FAM185A: variants seen among roughly 807,000 people sequenced by gnomAD.
FAM185A encodes family with sequence similarity 185 member A.
FAM185A carries 21 observed loss-of-function variants against 45.7 expected under a neutral mutation model. The observed-to-expected ratio is 0.46, with a 90% CI of 0.33 to 0.66. The LOEUF (loss-of-function observed/expected upper bound fraction) is 0.66, where lower values mean the gene tolerates loss of function less well. Ranked by LOEUF, FAM185A falls within the 30% of genes least tolerant of loss-of-function variation. The pLI, the probability that FAM185A is intolerant of heterozygous loss-of-function variation, is 0.03. For synonymous variants in FAM185A, 117 were observed against 194.0 expected (o/e 0.60, Z 3.30); for missense variants, 305 against 485.4 (o/e 0.63, Z 3.49).
intron 5 of FAM185A, among the ~76,000 whole-genome samples, chr7:102,775,010 GTT>G (rs200919500): frequency 8.7e-5 from 7 of 80,008 alleles, no homozygotes; most frequent in South Asian, 3.9e-4. Context: ...TTTTGTTTTT[GTT>G]TTTTTTTTTT....
intron 6 of FAM185A, among the ~76,000 whole-genome samples, chr7:102,781,703 G>A (rs1246488446): frequency 6.6e-6 from 1 of 152,110 alleles, no homozygotes; most frequent in African/African-American, 2.4e-5. Flanking sequence ...CCACAAGATG[G>A]GGAAAAAAAC....
the FAM185A span, among the ~76,000 whole-genome samples, chr7:102,845,914 T>C: frequency 1.3e-5 from 2 of 152,238 alleles, no homozygotes; most frequent in Non-Finnish European, 2.9e-5. Flanking sequence ...ATCACAGCAT[T>C]ATGACTAAAA....
intron 4 of FAM185A, among the ~76,000 whole-genome samples, chr7:102,762,404 T>C (rs578195535): frequency 6.6e-6 from 1 of 152,378 alleles, no homozygotes; most frequent in Non-Finnish European, 1.5e-5. Flanking sequence ...AGGTATGTTT[T>C]CTGAAATATA....
intron 4 of FAM185A, among the ~76,000 whole-genome samples, chr7:102,766,792 T>C (rs1404214151): frequency 6.6e-6 from 1 of 151,920 alleles, no homozygotes; most frequent in Non-Finnish European, 1.5e-5. Context: ...TTGTTTTTTT[T>C]GTTTTGTTTT....
chr7:102,760,772 A>G (rs1230838603), intron 3 of FAM185A, among the ~76,000 whole-genome samples: 2 of 152,164 alleles, frequency 1.3e-5, no homozygotes, highest in Non-Finnish European at 2.9e-5. Flanking sequence ...AGCAGGAAAA[A>G]AAGTATTAAT....
chr7:102,836,716 T>TCA, the FAM185A span, among the ~76,000 whole-genome samples: 2 of 152,308 alleles, frequency 1.3e-5, no homozygotes, highest in South Asian at 4.1e-4. Context: ...CTGAGCTGAG[T>TCA]CACAGTGTAG....
At chr7:102,750,476 C>T (rs772651286) in intron 1 of FAM185A, among the ~76,000 whole-genome samples, 2 of 152,190 alleles carry the variant, frequency 1.3e-5, no homozygotes, top group Non-Finnish European at 2.9e-5. Flanking sequence ...CAGTTTGTTA[C>T]CTGCCTCAGC....
rs1173845197 is a variant in FAM185A at position 102,761,431 on chromosome 7, A to G, written c.793+20A>G. The G allele has an allele frequency of 2.7e-6, 4 of 1,484,964 alleles. No homozygotes were observed. Among genetic ancestry groups the G allele is most frequent in the Non-Finnish European group, 3.6e-6 (4 of 1,117,962 alleles). The allele number at this position is 1,484,964 out of a possible 1,614,324, so 92.0% of individuals were successfully genotyped here. A position where few individuals can be genotyped will look rare whatever the true frequency, so the allele number is the denominator to read the frequency against. On this transcript the variant is annotated intron_variant, in intron 4 of 7. Transcript: ENST00000413034. ...TTCATGGTAAGCTGACAAAGGCATA[A>G]TACATCTGAGACTTTCCACATAGCA...
rs570454122 is a variant in FAM185A at position 102,793,414 on chromosome 7, A to T, written c.1066+5945A>T. 4.9e-4 allele frequency among the ~76,000 whole-genome samples: 74 copies of T among 152,032 alleles called. 1 individual carries two copies. The highest frequency in any genetic ancestry group is 1.8e-3 in the African/African-American group (73 of 41,474). On this transcript the variant is annotated intron_variant, in intron 7 of 7. Transcript: ENST00000413034. Reference sequence around the variant, plus strand: ...TTTAGTAGAGACAGGGTTTCACCATATTGGCCAGGCTGGTCTCACCTCCTG... The same window carrying T: ...TTTAGTAGAGACAGGGTTTCACCATTTTGGCCAGGCTGGTCTCACCTCCTG...
At chr7:102,827,117 T>C in the FAM185A span, 5 of 454,500 alleles carry the variant, frequency 1.1e-5, no homozygotes, top group Non-Finnish European at 1.3e-5. Flanking sequence ...CATATTCTTC[T>C]GAGCCAGGCC....
chr7:102,754,718 T>C (rs1321068457), intron 2 of FAM185A, among the ~76,000 whole-genome samples: 1 of 152,246 alleles, frequency 6.6e-6, no homozygotes, highest in African/African-American at 2.4e-5. Flanking sequence ...TTTTCCACCT[T>C]TATTTATTGT....
chr7:102,810,409 T>A (rs1274903614), downstream of FAM185A, among the ~76,000 whole-genome samples: 2 of 152,028 alleles, frequency 1.3e-5, no homozygotes, highest in African/African-American at 4.8e-5. Context: ...AGTTTTGTAT[T>A]TTTACTAGAG....
chr7:102,814,467 A>AT, the FAM185A span: 1 of 152,240 alleles, frequency 6.6e-6, no homozygotes, highest in Admixed American at 6.5e-5. Context: ...AAGAAAAAAA[A>AT]CCAACAACAT....
chr7:102,805,563 C>T (rs1797062325), intron 7 of FAM185A, among the ~76,000 whole-genome samples: 1 of 151,936 alleles, frequency 6.6e-6, no homozygotes, highest in Admixed American at 6.6e-5. Flanking sequence ...GGATAAAAGA[C>T]TACAAATAGG....
chr7:102,801,973 G>A (rs1330518764), intron 7 of FAM185A, among the ~76,000 whole-genome samples: 1 of 151,052 alleles, frequency 6.6e-6, no homozygotes, highest in Non-Finnish European at 1.5e-5. Flanking sequence ...AAAAGACCTT[G>A]TCCAACAGGA....
chr7:102,816,933 T>C, the FAM185A span, among the ~76,000 whole-genome samples: 1 of 152,220 alleles, frequency 6.6e-6, no homozygotes, highest in East Asian at 1.9e-4. Context: ...GCAAAGGACA[T>C]GATTTCATTA....
At chr7:102,781,200 G>A (rs1243121301) in intron 6 of FAM185A, among the ~76,000 whole-genome samples, 1 of 152,198 alleles carries the variant, frequency 6.6e-6, no homozygotes, top group Non-Finnish European at 1.5e-5. Context: ...CGCAGCTCAA[G>A]GAGGCCTGCC....
intron 7 of FAM185A, among the ~76,000 whole-genome samples, chr7:102,806,352 T>G (rs1797112640): frequency 6.6e-6 from 1 of 152,018 alleles, no homozygotes; most frequent in Non-Finnish European, 1.5e-5. Flanking sequence ...ACTTGGCTAA[T>G]TTTTGTATTT....
the FAM185A span, chr7:102,827,068 C>T: frequency 2.3e-6 from 1 of 434,316 alleles, no homozygotes; most frequent in Admixed American, 2.4e-5. Context: ...TCTAAACTAA[C>T]CTTGTGACTT....
Sources: gnomAD v4.1 joint callset for allele counts (sites outside exome capture counted in the v4.1 genomes callset) on GRCh38, gnomAD v4.1.1 for gene constraint, MANE v1.5 for transcripts, NCBI Gene and HGNC (gene_info 2026-07-23, HGNC 2026-07-21) for gene names.